ANAPC7: variants seen among roughly 807,000 people sequenced by gnomAD.
The protein encoded by ANAPC7 is anaphase promoting complex subunit 7.
A neutral mutation model predicts 63.3 loss-of-function variants in ANAPC7; 25 were observed. The observed-to-expected ratio is 0.39, with a 90% CI of 0.29 to 0.55. The LOEUF (loss-of-function observed/expected upper bound fraction) is 0.55. Among genes scored for constraint, ANAPC7 ranks in the 20% least tolerant of loss-of-function variants. The probability of loss-of-function intolerance (pLI) is 0.57; values close to 1 mark genes in which losing one functional copy is unlikely to be tolerated. For synonymous variants in ANAPC7, 241 were observed against 251.7 expected (o/e 0.96, Z 0.40); for missense variants, 516 against 691.7 (o/e 0.75, Z 2.85).
chr12:110,379,845 C>T (rs1033447166), intron 8 of ANAPC7, among the ~76,000 whole-genome samples: 3 of 152,152 alleles, frequency 2.0e-5, no homozygotes, highest in South Asian at 2.1e-4. Context: ...AGTCACCAAA[C>T]GTTGCTGAAA....
intron 6 of ANAPC7, among the ~76,000 whole-genome samples, chr12:110,385,093 C>T (rs1343056421): frequency 1.3e-5 from 2 of 152,086 alleles, no homozygotes; most frequent in East Asian, 1.9e-4. Context: ...GTGAAACCCC[C>T]GTCTCTTCTA....
rs1206442751 is a variant in ANAPC7, at chr12:110,396,467, A to C, written c.102-15T>G. On this transcript the variant is annotated splice_polypyrimidine_tract_variant and intron_variant, in intron 1 of 10. Transcript: ENST00000455511. ...AGAATAACTCACTAGAAAACAAGAG[A>C]AAATGTAATACATCTTTTCCTCCCT... 9.5e-6 allele frequency: 15 copies of C among 1,576,512 alleles called. No homozygotes were observed. The highest frequency in any genetic ancestry group is 1.3e-5 in the Non-Finnish European group (15 of 1,163,760).
intron 8 of ANAPC7, among the ~76,000 whole-genome samples, chr12:110,380,737 G>A (rs577144876): frequency 1.3e-5 from 2 of 150,872 alleles, no homozygotes; most frequent in South Asian, 2.1e-4. Flanking sequence ...GGCGGATCAC[G>A]AGGTCAGAAG....
At chr12:110,387,214 G>GGAGGGA (rs1882530767) in intron 5 of ANAPC7, 2 of 57,790 alleles carry the variant, frequency 3.5e-5, no homozygotes, top group African/African-American at 1.2e-4. Flanking sequence ...CTCTAGCCTG[G>GGAGGGA]GAGAGAGAGA....
intron 3 of ANAPC7, among the ~76,000 whole-genome samples, chr12:110,392,392 G>A (rs995097705): frequency 6.6e-6 from 1 of 152,114 alleles, no homozygotes; most frequent in Non-Finnish European, 1.5e-5. Flanking sequence ...TTCTCATCAA[G>A]TTTGGTTACT....
In ANAPC7 at chr12:110,373,661, C is replaced by G. The variant is rs758788374; in HGVS notation, c.*483G>C. 1.3e-5 allele frequency: 2 copies of G among 153,894 alleles called. No individual in the cohort carries two copies. The highest frequency in any genetic ancestry group is 4.1e-4 in the South Asian group (2 of 4,842). 9.5% of individuals were successfully genotyped at this position (153,894 alleles called of 1,614,324 possible). Reference sequence around the variant, plus strand: ...GCATTACTAACATTGCAGAAGGAAGCAAGATTTACTAGGGACATCTGGATA... The same window carrying G: ...GCATTACTAACATTGCAGAAGGAAGGAAGATTTACTAGGGACATCTGGATA... On this transcript the variant is annotated 3_prime_UTR_variant, in exon 11 of 11. Transcript: ENST00000455511.
Position 110,387,802 on chromosome 12 carries a change from A to G in ANAPC7, c.611T>C (p.Val204Ala). The G allele has an allele frequency of 3.1e-6, 5 of 1,614,198 alleles. No individual in the cohort carries two copies. The highest frequency in any genetic ancestry group is 3.4e-6 in the Non-Finnish European group (4 of 1,180,034). ...QTVPNLDWLS[V>A]WIKAYAFVHT... ...CACAAAAGCATACGCTTTGATCCAC[A>G]CAGAGAGCCAGTCCAAGTTAGGCAC... is the stretch of plus-strand genomic sequence containing the variant. Residue 204 changes from valine to alanine, a missense_variant, in exon 5 of 11, where the codon GTG (valine) becomes GCG (alanine). Physicochemically the swap from Val to Ala is moderately conservative, Grantham distance 64. Transcript: ENST00000455511.
intron 1 of ANAPC7, among the ~76,000 whole-genome samples, chr12:110,402,972 G>A (rs1461826752): frequency 2.6e-5 from 4 of 151,816 alleles, no homozygotes; most frequent in African/African-American, 9.7e-5. Context: ...GAACTCCTGG[G>A]CTCAAGCGAT....
intron 3 of ANAPC7, among the ~76,000 whole-genome samples, chr12:110,389,714 G>A (rs1053435893): frequency 7.9e-5 from 12 of 152,138 alleles, no homozygotes; most frequent in South Asian, 4.1e-4. Context: ...GGTGGATTAC[G>A]AGGTCAGGAG....
intron 3 of ANAPC7, 78 bp from the exon 4 acceptor site, chr12:110,388,701 T>C (rs1332126099): frequency 9.4e-7 from 1 of 1,065,500 alleles, no homozygotes; most frequent in African/African-American, 1.6e-5. Flanking sequence ...AAGTCCTAAT[T>C]TTCATTACCA....
At chr12:110,394,717 G>A (rs938900861) in intron 3 of ANAPC7, among the ~76,000 whole-genome samples, 18 of 145,490 alleles carry the variant, frequency 1.2e-4, no homozygotes, top group Non-Finnish European at 2.1e-4. Context: ...GTGGCAGCAT[G>A]CAACTGTAAT....
In ANAPC7 at chr12:110,396,378, T is replaced by C. The variant is rs1883579767; in HGVS notation, c.176A>G (p.Tyr59Cys). The change falls in exon 2 of 11, where the codon TAT becomes TGT. Residue 59 changes from tyrosine (Y) to cysteine (C), a missense_variant. Tyr to Cys is a radical substitution (Grantham distance 194, BLOSUM62 -2). Coordinates refer to ENST00000455511, the MANE Select transcript of ANAPC7 (RefSeq NM_016238.3). ...GGTATACTTACTCACAGCATTCCGA[T>C]ATTCCTTATCATGAAAGAGAGAATC... ...HADSLFHDKE[Y>C]RNAVSKYTMA... 1.2e-6 allele frequency: 2 copies of C among 1,613,936 alleles called. No homozygotes were observed. The highest frequency in any genetic ancestry group is 1.7e-5 in the Admixed American group (1 of 59,974).
At chr12:110,402,739 C>T (rs2138004335) in intron 1 of ANAPC7, among the ~76,000 whole-genome samples, 1 of 152,070 alleles carries the variant, frequency 6.6e-6, no homozygotes, top group Admixed American at 6.6e-5. Context: ...ATGGAGTCTC[C>T]CGTTTCCTTT....
intron 1 of ANAPC7, among the ~76,000 whole-genome samples, chr12:110,399,607 T>C (rs2062195963): frequency 6.6e-6 from 1 of 152,066 alleles, no homozygotes; most frequent in African/African-American, 2.4e-5. Flanking sequence ...CATACAATTT[T>C]GTAAATACAC....
At chr12:110,375,901 T>C in intron 10 of ANAPC7, 165 bp downstream of exon 10, 1 of 1,317,064 alleles carries the variant, frequency 7.6e-7, no homozygotes, top group South Asian at 2.6e-5. Flanking sequence ...AGAAAAAATT[T>C]TTAGAAGTCA....
intron 8 of ANAPC7, among the ~76,000 whole-genome samples, chr12:110,381,059 A>G (rs1398643996): frequency 1.5e-5 from 2 of 134,648 alleles, no homozygotes; most frequent in African/African-American, 5.3e-5. Flanking sequence ...GTGGGAGGAC[A>G]AAAAAAAAAA....
chr12:110,376,555 C>T (rs1304454629), intron 9 of ANAPC7, among the ~76,000 whole-genome samples: 3 of 109,840 alleles, frequency 2.7e-5, no homozygotes, highest in Non-Finnish European at 5.2e-5. Flanking sequence ...GGCAACAGAG[C>T]GAGACTCCAT....
chr12:110,403,567 G>T lies in ANAPC7; in HGVS notation c.61C>A (p.Leu21Ile). 1 of 1,608,424 alleles carries T rather than the reference G, an allele frequency of 6.2e-7. No individual in the cohort carries two copies. Among genetic ancestry groups the T allele is most frequent in the Non-Finnish European group, 8.5e-7 (1 of 1,177,964 alleles). Residue 21 changes from leucine (L) to isoleucine (I), a missense_variant, in exon 1 of 11, where the codon CTC (leucine) becomes ATC (isoleucine). Physicochemically the swap from Leu to Ile is conservative, Grantham distance 5. Coordinates refer to ENST00000455511, the MANE Select transcript of ANAPC7 (RefSeq NM_016238.3). Reference protein sequence around the residue: ...AAAGLHSNVRLLSSLLLTMSN... With the variant: ...AAAGLHSNVRILSSLLLTMSN... The stretch of plus-strand genomic sequence containing the variant: ...ATTGTAAGTAACAAGCTGCTGAGGA[G>T]CCGCACGTTGGAGTGCAGCCCCGCG...
intron 1 of ANAPC7, 139 bp downstream of exon 1, chr12:110,403,388 G>C (rs1055383407): frequency 3.3e-6 from 3 of 897,136 alleles, no homozygotes; most frequent in Non-Finnish European, 5.1e-6. Flanking sequence ...CTCCGCTCCA[G>C]GACGCCCTCG....
Sources: allele counts gnomAD v4.1 joint callset (sites outside exome capture counted in the v4.1 genomes callset), GRCh38; gene constraint gnomAD v4.1.1; transcripts MANE v1.5; gene names NCBI Gene and HGNC (gene_info 2026-07-23, HGNC 2026-07-21).